Variants in GTF2B observed in about 807,000 individuals in gnomAD.
GTF2B encodes the protein general transcription factor IIB.
A neutral mutation model predicts 34.6 loss-of-function variants in GTF2B; 20 were observed. The observed-to-expected ratio is 0.58, with a 90% CI of 0.41 to 0.84. The LOEUF (loss-of-function observed/expected upper bound fraction) is 0.84. Ranked by LOEUF, GTF2B falls within the 40% of genes least tolerant of loss-of-function variation. GTF2B has a pLI of 0.00. For synonymous variants in GTF2B, 142 were observed against 132.4 expected, an observed-to-expected ratio of 1.07 and a Z score of -0.50; for missense variants, 237 against 393.3, an observed-to-expected ratio of 0.60 and a Z score of 3.36.
intron 3 of GTF2B, among the ~76,000 whole-genome samples, chr1:88,862,586 G>A (rs1389264883): frequency 6.6e-6 from 1 of 152,126 alleles, no homozygotes; most frequent in Non-Finnish European, 1.5e-5. Context: ...GTAAACTCAT[G>A]CCTGTAATCC....
intron 2 of GTF2B, among the ~76,000 whole-genome samples, chr1:88,874,696 T>A (rs1337249794): frequency 6.6e-6 from 1 of 151,990 alleles, no homozygotes; most frequent in Non-Finnish European, 1.5e-5. Flanking sequence ...ATTTCAATTC[T>A]TTCTGCTGTC....
At chr1:88,867,040 A>G (rs1415062182) in intron 2 of GTF2B, among the ~76,000 whole-genome samples, 1 of 152,196 alleles carries the variant, frequency 6.6e-6, no homozygotes, top group Non-Finnish European at 1.5e-5. Flanking sequence ...AAGATACTTA[A>G]AAGTATCATA....
intron 2 of GTF2B, among the ~76,000 whole-genome samples, chr1:88,878,280 A>G (rs1673857429): frequency 1.3e-5 from 2 of 152,148 alleles, no homozygotes; most frequent in South Asian, 2.1e-4. Context: ...TCTCAAAAAT[A>G]AAAAAATAAA....
At chr1:88,855,368 T>G (rs1673279356) in intron 6 of GTF2B, among the ~76,000 whole-genome samples, 1 of 150,894 alleles carries the variant, frequency 6.6e-6, no homozygotes, top group African/African-American at 2.4e-5. Context: ...TGTTTTTTTT[T>G]TTTTTTTTTG....
At chr1:88,856,919 A>G (rs1673325871) in intron 6 of GTF2B, among the ~76,000 whole-genome samples, 1 of 150,970 alleles carries the variant, frequency 6.6e-6, no homozygotes, top group African/African-American at 2.4e-5. Context: ...CTCCTGCCTC[A>G]GCCTCCTGAA....
intron 1 of GTF2B, among the ~76,000 whole-genome samples, chr1:88,890,268 T>C (rs974040795): frequency 4.6e-5 from 7 of 151,914 alleles, no homozygotes; most frequent in Non-Finnish European, 7.4e-5. Context: ...AACACCCAGA[T>C]AGAATGACTG....
At chr1:88,887,617 T>C (rs1313503997) in intron 1 of GTF2B, 2 of 398,930 alleles carry the variant, frequency 5.0e-6, no homozygotes, top group Admixed American at 3.9e-5. Context: ...AAATAGAAAA[T>C]AATTGTTTCT....
At chr1:88,861,510 C>G (rs1673440331) in intron 3 of GTF2B, among the ~76,000 whole-genome samples, 1 of 152,058 alleles carries the variant, frequency 6.6e-6, no homozygotes, top group African/African-American at 2.4e-5. Flanking sequence ...ACTAAAAGTA[C>G]AAAATTAGCC....
At chr1:88,868,398 A>AATAC (rs111285809) in intron 2 of GTF2B, among the ~76,000 whole-genome samples, 6,251 of 152,268 alleles carry the variant, frequency 0.041, 198 homozygotes, top group African/African-American at 0.087. Context: ...ACACTACTAT[A>AATAC]ATATATATGC....
At chr1:88,879,140 G>A (rs935840691) in intron 2 of GTF2B, among the ~76,000 whole-genome samples, 1 of 152,160 alleles carries the variant, frequency 6.6e-6, no homozygotes, top group Admixed American at 6.6e-5. Flanking sequence ...CTTGTTTTCA[G>A]ATTGGTGGTG....
chr1:88,876,882 C>T (rs919946592), intron 2 of GTF2B, among the ~76,000 whole-genome samples: 1 of 152,104 alleles, frequency 6.6e-6, no homozygotes, highest in Admixed American at 6.5e-5. Flanking sequence ...ATTAGTAAAG[C>T]CAACCCTCAA....
intron 1 of GTF2B, among the ~76,000 whole-genome samples, chr1:88,889,647 C>A (rs893463682): frequency 1.3e-5 from 2 of 152,220 alleles, no homozygotes; most frequent in African/African-American, 4.8e-5. Context: ...CATTTGTACT[C>A]CTCTGTGAGG....
intron 2 of GTF2B, among the ~76,000 whole-genome samples, chr1:88,883,151 G>A (rs1323236407): frequency 2.0e-5 from 3 of 152,206 alleles, no homozygotes; most frequent in East Asian, 3.8e-4. Context: ...ATGTTTCACA[G>A]AAAAGCAGTA....
At chr1:88,886,196 C>T (rs192428210) in intron 2 of GTF2B, among the ~76,000 whole-genome samples, 26 of 152,286 alleles carry the variant, frequency 1.7e-4, no homozygotes, top group African/African-American at 6.0e-4. Flanking sequence ...TTAAAACTCC[C>T]ACTATAGGTC....
At position 88,864,134 on chromosome 1, in the gene GTF2B, T is replaced by C; in HGVS notation, c.125-20A>G. The C allele has an allele frequency of 6.2e-7, 1 of 1,612,888 alleles. No individual in the cohort carries two copies. The highest frequency in any genetic ancestry group is 8.5e-7 in the Non-Finnish European group (1 of 1,178,928). The stretch of plus-strand genomic sequence containing the variant: ...GGTCACCTAAGAATATAAGCACATA[T>C]CTGAATCATTTTGTCAAGATAGGGT... On this transcript the variant is annotated intron_variant, in intron 2 of 6. Coordinates refer to ENST00000370500, the MANE Select transcript of GTF2B (RefSeq NM_001514.6).
intron 3 of GTF2B, among the ~76,000 whole-genome samples, chr1:88,862,770 T>C (rs1673469403): frequency 6.6e-6 from 1 of 152,034 alleles, no homozygotes; most frequent in African/African-American, 2.4e-5. Context: ...CCTGAGTAGC[T>C]GGGATTACAG....
At chr1:88,866,476 T>C (rs993137265) in intron 2 of GTF2B, among the ~76,000 whole-genome samples, 1 of 152,216 alleles carries the variant, frequency 6.6e-6, no homozygotes, top group Non-Finnish European at 1.5e-5. Flanking sequence ...TGGTGCAATT[T>C]TGGCTCACTG....
intron 2 of GTF2B, among the ~76,000 whole-genome samples, chr1:88,866,135 G>C (rs1212846811): frequency 1.3e-5 from 2 of 152,120 alleles, no homozygotes; most frequent in African/African-American, 4.8e-5. Flanking sequence ...GCTTAAGCAG[G>C]AAAATCACAT....
intron 1 of GTF2B, among the ~76,000 whole-genome samples, chr1:88,890,580 G>C (rs545106430): frequency 6.6e-6 from 1 of 152,278 alleles, no homozygotes; most frequent in South Asian, 2.1e-4. Context: ...TGGATAACAG[G>C]AAACAGGTTG....
Sources: gnomAD v4.1 joint callset for allele counts (sites outside exome capture counted in the v4.1 genomes callset) on GRCh38, gnomAD v4.1.1 for gene constraint, MANE v1.5 for transcripts, NCBI Gene and HGNC (gene_info 2026-07-23, HGNC 2026-07-21) for gene names.